IDNK: variants seen among roughly 807,000 people sequenced by gnomAD.
IDNK encodes IDNK gluconokinase, also known as gluconokinase.
Under a neutral mutation model 13.0 loss-of-function variants are expected in IDNK, and 9 were observed. That is an observed-to-expected ratio of 0.69 (90% confidence interval 0.42 to 1.21). The LOEUF is 1.21. Ranked by LOEUF, IDNK falls within the 50% of genes most tolerant of loss-of-function variation. The pLI, the probability that IDNK is intolerant of heterozygous loss-of-function variation, is 0.00. For synonymous variants in IDNK, 92 were observed against 94.9 expected (o/e 0.97, Z 0.18); for missense variants, 210 against 237.8 (o/e 0.88, Z 0.77).
At chr9:83,627,631 A>G (rs993676083) in intron 1 of IDNK, among the ~76,000 whole-genome samples, 1 of 152,170 alleles carries the variant, frequency 6.6e-6, no homozygotes, top group African/African-American at 2.4e-5. Context: ...TACACAGAGA[A>G]CATTTAACCC....
At chr9:83,626,651 A>C in intron 1 of IDNK, 1 of 1,201,684 alleles carries the variant, frequency 8.3e-7, no homozygotes, top group Admixed American at 2.4e-5. Flanking sequence ...TCCTGGCCTC[A>C]AGTGATCCGC....
chr9:83,633,200 G>A (rs918439079), intron 3 of IDNK, among the ~76,000 whole-genome samples: 4 of 152,142 alleles, frequency 2.6e-5, no homozygotes, highest in South Asian at 2.1e-4. Context: ...TTAGCCGGGC[G>A]TGGTGGCAGG....
At chr9:83,629,408 C>G (rs1374527073) in intron 3 of IDNK, among the ~76,000 whole-genome samples, 1 of 152,186 alleles carries the variant, frequency 6.6e-6, no homozygotes, top group Non-Finnish European at 1.5e-5. Flanking sequence ...TTAGAGGCTT[C>G]CCACCAACCT....
intron 1 of IDNK, among the ~76,000 whole-genome samples, chr9:83,627,197 G>A (rs1459702764): frequency 6.6e-6 from 1 of 152,206 alleles, no homozygotes; most frequent in Non-Finnish European, 1.5e-5. Flanking sequence ...AATAGTATGG[G>A]GATAGGTAAA....
In IDNK at chr9:83,628,067, T is replaced by C. The variant is rs192185392; in HGVS notation, c.51-114T>C. 2.6e-6 allele frequency: 4 copies of C among 1,523,054 alleles called. No homozygotes were observed. The African/African-American group carries it at 4.1e-5, about 16-fold the overall frequency. 94.3% of individuals were successfully genotyped at this position (1,523,054 alleles called of 1,614,324 possible). ...TCACTGCTTTAGGATTACACAGTGA[T>C]TGGTGTTTAAATTCCTGCTAAGGCA... On this transcript the variant is annotated intron_variant, in intron 1 of 4. Transcript: ENST00000376419.
At chr9:83,642,467 A>G (rs1363254340) in intron 4 of IDNK, among the ~76,000 whole-genome samples, 1 of 151,554 alleles carries the variant, frequency 6.6e-6, no homozygotes, top group African/African-American at 2.4e-5. Context: ...AATATAATAT[A>G]CTCATGAGAG....
chr9:83,628,207 C>G lies in IDNK; in HGVS notation c.77C>G (p.Ser26Cys), dbSNP rs1227373989. Residue 26 changes from serine to cysteine, a missense_variant, in exon 2 of 5, where the codon TCT becomes TGT. Ser to Cys is a moderately radical substitution (Grantham distance 112, BLOSUM62 -1). Coordinates refer to ENST00000376419, the MANE Select transcript of IDNK (RefSeq NM_001001551.4). ...GKSTVGALLA[S>C]ELGWKFYDAD... The stretch of plus-strand genomic sequence containing the variant: ...TCCACCGTGGGCGCCCTGCTGGCAT[C>G]TGAGGTTAGTAACCTGTCCTAATGC... 6.5e-7 allele frequency: 1 copy of G among 1,550,288 alleles called. No individual in the cohort carries two copies. The highest frequency in any genetic ancestry group is 2.4e-5 in the East Asian group (1 of 40,930).
chr9:83,640,618 G>T (rs560282467), intron 3 of IDNK, among the ~76,000 whole-genome samples: 1 of 152,336 alleles, frequency 6.6e-6, no homozygotes, highest in Non-Finnish European at 1.5e-5. Flanking sequence ...AAGGCAGGCG[G>T]ATCACCTGAG....
chr9:83,627,639 C>T (rs1026477642), intron 1 of IDNK, among the ~76,000 whole-genome samples: 5 of 152,120 alleles, frequency 3.3e-5, no homozygotes, highest in Admixed American at 6.5e-5. Context: ...GAACATTTAA[C>T]CCCCAGTCTT....
chr9:83,643,031 A>G (rs1831355278), intron 4 of IDNK, among the ~76,000 whole-genome samples: 1 of 152,152 alleles, frequency 6.6e-6, no homozygotes, highest in South Asian at 2.1e-4. Flanking sequence ...TTTGCATGGC[A>G]CAGGGGCATG....
intron 1 of IDNK, among the ~76,000 whole-genome samples, chr9:83,625,945 C>T (rs1412892885): frequency 1.3e-5 from 2 of 152,206 alleles, no homozygotes; most frequent in African/African-American, 4.8e-5. Context: ...AGACGGCAGG[C>T]ATCTGAGTGG....
intron 3 of IDNK, among the ~76,000 whole-genome samples, chr9:83,633,130 G>C (rs748361994): frequency 6.6e-6 from 1 of 152,022 alleles, no homozygotes; most frequent in Non-Finnish European, 1.5e-5. Flanking sequence ...ACAAGGTCAG[G>C]AGATCGAGAC....
At chr9:83,629,553 A>G (rs1410745952) in intron 3 of IDNK, among the ~76,000 whole-genome samples, 1 of 152,048 alleles carries the variant, frequency 6.6e-6, no homozygotes, top group African/African-American at 2.4e-5. Context: ...TCCCACTGCA[A>G]TGCTTCTCCC....
At chr9:83,641,620 C>T (rs1331638406) in intron 4 of IDNK, 29 bp downstream of exon 4, 2 of 1,609,932 alleles carry the variant, frequency 1.2e-6, no homozygotes, top group South Asian at 2.2e-5. Flanking sequence ...TTGGCATAAG[C>T]CAAAGCCAGC....
intron 3 of IDNK, among the ~76,000 whole-genome samples, chr9:83,634,565 A>AT (rs1300828404): frequency 6.6e-6 from 1 of 152,260 alleles, no homozygotes; most frequent in Non-Finnish European, 1.5e-5. Context: ...CTTATGAAAT[A>AT]TTTCAGGCAC....
intron 4 of IDNK, among the ~76,000 whole-genome samples, chr9:83,641,830 C>A (rs1831318284): frequency 6.6e-6 from 1 of 152,336 alleles, no homozygotes; most frequent in South Asian, 2.1e-4. Context: ...TACTAGCTAG[C>A]AGTCTTGATC....
At chr9:83,627,351 T>A (rs1016874843) in intron 1 of IDNK, among the ~76,000 whole-genome samples, 8 of 152,168 alleles carry the variant, frequency 5.3e-5, no homozygotes, top group African/African-American at 1.9e-4. Context: ...GCTGAGGCCA[T>A]GTGTCAGTGA....
chr9:83,641,907 C>T (rs1193495557), intron 4 of IDNK, among the ~76,000 whole-genome samples: 1 of 152,218 alleles, frequency 6.6e-6, no homozygotes. Flanking sequence ...TTCCTACTCA[C>T]AGATTTTTGT....
At position 83,641,535 on chromosome 9, in the gene IDNK, T is replaced by C. The variant is rs778990558; in HGVS notation, c.169-13T>C. The C allele has an allele frequency of 1.2e-6, 2 of 1,613,892 alleles. No individual in the cohort carries two copies. The highest frequency in any genetic ancestry group is 2.2e-5 in the South Asian group (2 of 91,092). On this transcript the variant is annotated splice_polypyrimidine_tract_variant and intron_variant, in intron 3 of 4. Transcript: ENST00000376419. ...TCACGTTGTGTCTGGGTTTTTGTTTTTGTTTTTTTCAGGACCGGATTCCAT... is the reference window on the plus strand; with the variant it reads ...TCACGTTGTGTCTGGGTTTTTGTTTCTGTTTTTTTCAGGACCGGATTCCAT...
Sources: allele counts gnomAD v4.1 joint callset (sites outside exome capture counted in the v4.1 genomes callset), GRCh38; gene constraint gnomAD v4.1.1; transcripts MANE v1.5; gene names NCBI Gene and HGNC (gene_info 2026-07-23, HGNC 2026-07-21).